The following SPHKAP variants were observed in gnomAD, a reference collection of about 807,000 sequenced individuals.
The protein encoded by SPHKAP is SPHK1 interactor, AKAP domain containing, also known as A-kinase anchor protein SPHKAP.
Under a neutral mutation model 137.5 loss-of-function variants are expected in SPHKAP, and 67 were observed. The observed-to-expected ratio is 0.49, with a 90% CI of 0.40 to 0.60. SPHKAP has a LOEUF of 0.60. Ranked by LOEUF, SPHKAP falls within the 20% of genes least tolerant of loss-of-function variation. SPHKAP has a pLI of 0.00. For synonymous variants in SPHKAP, 813 were observed against 785.3 expected (o/e 1.04, Z -0.59); for missense variants, 2,097 against 2,069.3 (o/e 1.01, Z -0.26).
chr2:228,044,987 A>C (rs1469436555), intron 3 of SPHKAP, among the ~76,000 whole-genome samples: 1 of 152,202 alleles, frequency 6.6e-6, no homozygotes, highest in Non-Finnish European at 1.5e-5. Flanking sequence ...GCCAAAAAAC[A>C]CATGAAAAAA....
chr2:228,027,634 C>T (rs759494457), intron 3 of SPHKAP, 91 bp from the exon 4 acceptor site: 66 of 1,245,490 alleles, frequency 5.3e-5, no homozygotes, highest in Non-Finnish European at 7.4e-5. Flanking sequence ...GGGGCAAATG[C>T]TTTGGGAGTC....
intron 1 of SPHKAP, among the ~76,000 whole-genome samples, chr2:228,150,182 A>G (rs1433101154): frequency 6.6e-6 from 1 of 152,186 alleles, no homozygotes; most frequent in Non-Finnish European, 1.5e-5. Context: ...TCAGTTTTAT[A>G]ACAATATTAT....
intron 3 of SPHKAP, among the ~76,000 whole-genome samples, chr2:228,068,457 A>T (rs1447688643): frequency 1.3e-5 from 2 of 152,206 alleles, no homozygotes; most frequent in Admixed American, 6.5e-5. Context: ...AACTGGAGAC[A>T]TCATATTACC....
At chr2:228,087,294 A>G (rs943301711) in intron 3 of SPHKAP, among the ~76,000 whole-genome samples, 5 of 152,196 alleles carry the variant, frequency 3.3e-5, no homozygotes, top group African/African-American at 9.7e-5. Context: ...CAACAAAACA[A>G]GGCCTAGAGA....
intron 7 of SPHKAP, among the ~76,000 whole-genome samples, chr2:228,001,282 C>A (rs1477908042): frequency 3.1e-3 from 272 of 86,760 alleles, no homozygotes; most frequent in South Asian, 0.017. Flanking sequence ...TATATCTATA[C>A]ATATATCTAT....
At chr2:228,141,484 T>TTAATA (rs2106387220) in intron 1 of SPHKAP, among the ~76,000 whole-genome samples, 1 of 152,332 alleles carries the variant, frequency 6.6e-6, no homozygotes, top group Non-Finnish European at 1.5e-5. Context: ...ATATTCAACA[T>TTAATA]TAATATATGC....
At chr2:228,103,675 A>G (rs2106341493) in intron 3 of SPHKAP, among the ~76,000 whole-genome samples, 1 of 152,164 alleles carries the variant, frequency 6.6e-6, no homozygotes, top group East Asian at 1.9e-4. Context: ...CAGGACCTTT[A>G]TTTTGCTCAG....
chr2:228,112,988 A>C (rs773497094), intron 2 of SPHKAP, among the ~76,000 whole-genome samples: 61 of 152,254 alleles, frequency 4.0e-4, no homozygotes, highest in Non-Finnish European at 2.5e-4. Context: ...TTGCTTTAGA[A>C]GAAACGGAAG....
chr2:228,120,071 C>T (rs980204217), intron 2 of SPHKAP, among the ~76,000 whole-genome samples: 6 of 151,942 alleles, frequency 3.9e-5, no homozygotes, highest in Admixed American at 6.6e-5. Flanking sequence ...AATGATTCTC[C>T]GTTATCAAGA....
intron 3 of SPHKAP, among the ~76,000 whole-genome samples, chr2:228,099,195 A>G (rs1044824460): frequency 1.3e-5 from 2 of 152,086 alleles, no homozygotes; most frequent in African/African-American, 4.8e-5. Context: ...ATCCATCTTG[A>G]GTTAATTTGT....
In SPHKAP at chr2:228,084,096, A is replaced by G. The variant is rs1697461115; in HGVS notation, c.246+24736T>C. On this transcript the variant is annotated intron_variant, in intron 3 of 11. Coordinates refer to ENST00000392056, the MANE Select transcript of SPHKAP (RefSeq NM_001142644.2). ...ACATGTACCACCCAGAACTTAAAGTAAAAAAGAAGAAGAAAAAAAAAAAAA... is the reference window on the plus strand; with the variant it reads ...ACATGTACCACCCAGAACTTAAAGTGAAAAAGAAGAAGAAAAAAAAAAAAA... Among the ~76,000 whole-genome samples, 6 of 149,816 alleles carry G rather than the reference A, an allele frequency of 4.0e-5. No homozygotes were observed. In the South Asian group the frequency reaches 1.3e-3, roughly 32 times the overall value.
intron 3 of SPHKAP, among the ~76,000 whole-genome samples, chr2:228,035,456 C>T (rs1408928738): frequency 6.6e-6 from 1 of 152,018 alleles, no homozygotes. Context: ...GCCATACTGC[C>T]CAAGGTAATT....
chr2:228,154,259 G>A (rs1032061281), intron 1 of SPHKAP, among the ~76,000 whole-genome samples: 1 of 150,968 alleles, frequency 6.6e-6, no homozygotes, highest in Non-Finnish European at 1.5e-5. Flanking sequence ...AAATATACCT[G>A]CATTTTCCAT....
At chr2:228,131,837 G>T (rs745807929) in intron 2 of SPHKAP, 143 bp downstream of exon 2, 4 of 1,416,532 alleles carry the variant, frequency 2.8e-6, no homozygotes, top group African/African-American at 2.9e-5. Context: ...TGTTATCAAG[G>T]CTTACTTGGG....
chr2:228,112,205 A>G (rs964083562), intron 2 of SPHKAP, among the ~76,000 whole-genome samples: 12 of 152,178 alleles, frequency 7.9e-5, no homozygotes, highest in Non-Finnish European at 1.6e-4. Flanking sequence ...ACTCTGTGTC[A>G]TAAGAACATT....
At chr2:228,166,296 A>G (rs1700421571) in intron 1 of SPHKAP, among the ~76,000 whole-genome samples, 1 of 152,218 alleles carries the variant, frequency 6.6e-6, no homozygotes, top group Non-Finnish European at 1.5e-5. Flanking sequence ...AAAACTATTG[A>G]CAAAATGAAC....
At chr2:228,004,744 C>G (rs1303445728) in intron 7 of SPHKAP, among the ~76,000 whole-genome samples, 1 of 152,116 alleles carries the variant, frequency 6.6e-6, no homozygotes, top group Non-Finnish European at 1.5e-5. Context: ...CCCAGAGATT[C>G]TGGTATGTTG....
chr2:228,007,328 T>C (rs1694180581), intron 7 of SPHKAP, among the ~76,000 whole-genome samples: 1 of 152,198 alleles, frequency 6.6e-6, no homozygotes, highest in African/African-American at 2.4e-5. Flanking sequence ...TGAGAACATT[T>C]AAAACCTTCT....
chr2:228,112,545 G>C (rs1443869294), intron 2 of SPHKAP, among the ~76,000 whole-genome samples: 1 of 152,110 alleles, frequency 6.6e-6, no homozygotes, highest in Non-Finnish European at 1.5e-5. Flanking sequence ...TCAGAAAATT[G>C]GTGTGCTGGG....
Sources: gnomAD v4.1 joint callset for allele counts (sites outside exome capture counted in the v4.1 genomes callset) on GRCh38, gnomAD v4.1.1 for gene constraint, MANE v1.5 for transcripts, NCBI Gene and HGNC (gene_info 2026-07-23, HGNC 2026-07-21) for gene names.